Variants in SLC4A3 observed in about 807,000 individuals in gnomAD.
SLC4A3 encodes the protein anion exchange protein 3.
In SLC4A3, 47 loss-of-function variants were observed where a neutral mutation model predicts 114.2. That is an observed-to-expected ratio of 0.41 (90% confidence interval 0.33 to 0.52). SLC4A3 has a LOEUF of 0.52. SLC4A3 is among the 20% of genes least tolerant of loss of function. The probability of loss-of-function intolerance (pLI) is 0.21; values close to 1 mark genes in which losing one functional copy is unlikely to be tolerated. For missense variants in SLC4A3, 1,312 were observed against 1,668.3 expected, an observed-to-expected ratio of 0.79 and a Z score of 3.72; for synonymous variants, 693 against 710.3, an observed-to-expected ratio of 0.98 and a Z score of 0.39.
Position 219,640,955 on chromosome 2 carries a change from T to C in SLC4A3, c.3614T>C (p.Leu1205Pro), listed in dbSNP as rs1437784566. Residue 1205 changes from leucine to proline, a missense_variant, in exon 22 of 23, where the codon CTG (leucine) becomes CCG (proline). This residue lies in a region of SLC4A3 where 301 missense variants were observed against 460.7 expected (regional missense o/e 0.65). Transcript: ENST00000358055. ...LLPRLFQDRE[L>P]QALDSEDAEP... ...CCCCGGCTCTTCCAGGACAGGGAGCTGCAGGCGGTAAGGGGGTGGTGGTCT... is the reference window on the plus strand; with the variant it reads ...CCCCGGCTCTTCCAGGACAGGGAGCCGCAGGCGGTAAGGGGGTGGTGGTCT... 1 of 1,605,544 alleles carries C rather than the reference T, an allele frequency of 6.2e-7. No homozygotes were observed. The highest frequency in any genetic ancestry group is 8.5e-7 in the Non-Finnish European group (1 of 1,179,934).
chr2:219,639,288 T>C lies in SLC4A3; in HGVS notation c.3024-194T>C, dbSNP rs1487662138. 6.6e-6 allele frequency among the ~76,000 whole-genome samples: 1 copy of C among 152,130 alleles called. No individual in the cohort carries two copies. The highest frequency in any genetic ancestry group is 1.9e-4 in the East Asian group (1 of 5,198). On this transcript the variant is annotated intron_variant, in intron 19 of 22. Coordinates refer to ENST00000358055, the MANE Select transcript of SLC4A3 (RefSeq NM_005070.4). This position sits in a 1 kb window ranked among gnomAD's most constrained non-coding sequence, Gnocchi z 5.9. ...TTTGTGGTGTTTTAAATATTCACAG[T>C]ATGAGAATTTGTCTCACATTTGCTT...
In SLC4A3 at chr2:219,641,725, G is replaced by A. The variant is rs1014152861; in HGVS notation, c.3696G>A (p.Val1232=). 1.2e-6 allele frequency: 2 copies of A among 1,613,674 alleles called. No homozygotes were observed. ...AGTACAATGAGCTGCACATGCCAGT[G>A]TGACCCTTGAAGACAGTGCCCCTCA... The part of the protein sequence containing the change: ...QDEYNELHMP[V] The change falls in exon 23 of 23, where the codon GTG becomes GTA. Residue 1232 remains valine (V), a synonymous_variant. Transcript: ENST00000358055. The surrounding 1 kb of genome is among the most constrained non-coding windows in gnomAD (Gnocchi z 4.0).
chr2:219,639,384 C>T lies in SLC4A3; in HGVS notation c.3024-98C>T, dbSNP rs1699237546. Reference sequence around the variant, plus strand: ...GTCCTAGGGAGAACTGTTGTCTGCACGTCCTCCCCCCACCATCTCGTCTCT... The same window carrying T: ...GTCCTAGGGAGAACTGTTGTCTGCATGTCCTCCCCCCACCATCTCGTCTCT... On this transcript the variant is annotated intron_variant, in intron 19 of 22. Transcript: ENST00000358055. This position sits in a 1 kb window ranked among gnomAD's most constrained non-coding sequence, Gnocchi z 5.9. 5.7e-6 allele frequency: 8 copies of T among 1,406,076 alleles called. No homozygotes were observed. The highest frequency in any genetic ancestry group is 1.8e-5 in the Admixed American group (1 of 55,718). The allele number at this position is 1,406,076 out of a possible 1,614,324, so 87.1% of individuals were successfully genotyped here. A position where few individuals can be genotyped will look rare whatever the true frequency, so the allele number is the denominator to read the frequency against.
At position 219,637,505 on chromosome 2, in the gene SLC4A3, C is replaced by T. The variant is rs540817726; in HGVS notation, c.2536-76C>T. ...GGTATTGAGGGGCCACCCTCTCTCTCACAGGTGTACTGATGACGATGAAGT... is the reference window on the plus strand; with the variant it reads ...GGTATTGAGGGGCCACCCTCTCTCTTACAGGTGTACTGATGACGATGAAGT... On this transcript the variant is annotated intron_variant, in intron 16 of 22. Transcript: ENST00000358055. The surrounding 1 kb of genome is among the most constrained non-coding windows in gnomAD (Gnocchi z 4.6). 1 of 789,620 alleles carries T rather than the reference C, an allele frequency of 1.3e-6. No homozygotes were observed. The highest frequency in any genetic ancestry group is 1.7e-5 in the African/African-American group (1 of 58,012). The allele number at this position is 789,620 out of a possible 1,614,324, so 48.9% of individuals were successfully genotyped here. A position where few individuals can be genotyped will look rare whatever the true frequency, so the allele number is the denominator to read the frequency against.
In SLC4A3 at chr2:219,636,083, G is replaced by A. The variant is rs538854887; in HGVS notation, c.2191+192G>A. On this transcript the variant is annotated intron_variant, in intron 14 of 22. Transcript: ENST00000358055. The surrounding 1 kb of genome is among the most constrained non-coding windows in gnomAD (Gnocchi z 5.5). ...GCGATCACCTTTGGGGAGCTATAAA[G>A]TGAGGGTGTGGGAGAGGTGTAAGGG... 6.6e-5 allele frequency among the ~76,000 whole-genome samples: 10 copies of A among 152,288 alleles called. No homozygotes were observed. The highest frequency in any genetic ancestry group is 2.6e-4 in the Admixed American group (4 of 15,306).
At position 219,635,759 on chromosome 2, in the gene SLC4A3, C is replaced by A. The variant is rs779074122; in HGVS notation, c.2059C>A (p.Arg687=). 3 of 1,594,488 alleles carry A rather than the reference C, an allele frequency of 1.9e-6. No homozygotes were observed. The highest frequency in any genetic ancestry group is 2.2e-5 in the East Asian group (1 of 44,602). ...GGGCTCGGTATTTGGGGGGCTTGTG[C>A]GGGATGTGAGGCGCCGGTACCCGCA... is the stretch of plus-strand genomic sequence containing the variant. The part of the protein sequence containing the change: ...RTGSVFGGLV[R]DVRRRYPHYP... The change falls in exon 14 of 23, where the codon CGG becomes AGG. Residue 687 remains arginine, a synonymous_variant. Transcript: ENST00000358055.
At chr2:219,634,649 C>A in intron 12 of SLC4A3, 45 bp downstream of exon 12, 1 of 1,586,684 alleles carries the variant, frequency 6.3e-7, no homozygotes, top group Non-Finnish European at 8.6e-7. Flanking sequence ...CTAGGCCCTG[C>A]TTACCCCTGT....
Position 219,639,099 on chromosome 2 carries a change from C to T in SLC4A3, c.3023+230C>T, listed in dbSNP as rs1362479526. 6.6e-6 allele frequency among the ~76,000 whole-genome samples: 1 copy of T among 152,166 alleles called. No individual in the cohort carries two copies. The highest frequency in any genetic ancestry group is 2.1e-4 in the South Asian group (1 of 4,804). Reference sequence around the variant, plus strand: ...CATCCGGGGCAGGGGCATGGTTTCCCCGTGATGGTTTGACATGACATCTAT... The same window carrying T: ...CATCCGGGGCAGGGGCATGGTTTCCTCGTGATGGTTTGACATGACATCTAT... On this transcript the variant is annotated intron_variant, in intron 19 of 22. Transcript: ENST00000358055. The surrounding 1 kb of genome is among the most constrained non-coding windows in gnomAD (Gnocchi z 5.9).
In SLC4A3 at chr2:219,640,977, G is replaced by T; in HGVS notation, c.3621+15G>T. The T allele has an allele frequency of 6.2e-7, 1 of 1,601,514 alleles. No homozygotes were observed. Reference sequence around the variant, plus strand: ...AGCTGCAGGCGGTAAGGGGGTGGTGGTCTGGGGAAACAGTGTTAGGGCAAA... The same window carrying T: ...AGCTGCAGGCGGTAAGGGGGTGGTGTTCTGGGGAAACAGTGTTAGGGCAAA... On this transcript the variant is annotated intron_variant, in intron 22 of 22. Transcript: ENST00000358055.
At position 219,635,514 on chromosome 2, in the gene SLC4A3, T is replaced by C; in HGVS notation, c.1972+18T>C. 6.3e-7 allele frequency: 1 copy of C among 1,578,920 alleles called. No homozygotes were observed. The highest frequency in any genetic ancestry group is 1.1e-5 in the South Asian group (1 of 87,858). ...TGGGAAAGGTCAGACCCTTGGAGGCTGAGTGCCCCCAATACACACTCCCCC... is the reference window on the plus strand; with the variant it reads ...TGGGAAAGGTCAGACCCTTGGAGGCCGAGTGCCCCCAATACACACTCCCCC... On this transcript the variant is annotated intron_variant, in intron 13 of 22. Coordinates refer to ENST00000358055, the MANE Select transcript of SLC4A3 (RefSeq NM_005070.4).
rs1279709021 is a variant in SLC4A3, at chr2:219,627,951, G to C, written c.-42G>C. 2.7e-5 allele frequency: 42 copies of C among 1,582,906 alleles called. No individual in the cohort carries two copies. Among genetic ancestry groups the C allele is most frequent in the Non-Finnish European group, 3.4e-5 (39 of 1,160,488 alleles). On this transcript the variant is annotated 5_prime_UTR_variant, in exon 2 of 23. Coordinates refer to ENST00000358055, the MANE Select transcript of SLC4A3 (RefSeq NM_005070.4). ...CCCCTCCTTCTCACCTGGGTCTCGG[G>C]TCCCCTAGTGAGCGAGAGCGTCCCC...
rs1010072929 is a variant in SLC4A3, at chr2:219,630,779, G to T, written c.811+427G>T. Among the ~76,000 whole-genome samples the T allele has an allele frequency of 1.3e-5, 2 of 151,568 alleles. No homozygotes were observed. Among genetic ancestry groups the T allele is most frequent in the African/African-American group, 2.4e-5 (1 of 41,242 alleles). On this transcript the variant is annotated intron_variant, in intron 6 of 22. Coordinates refer to ENST00000358055, the MANE Select transcript of SLC4A3 (RefSeq NM_005070.4). The surrounding 1 kb of genome is among the most constrained non-coding windows in gnomAD (Gnocchi z 6.9). ...CCTTCACTCCCATCCCACTACCCTT[G>T]GGGGGGGCCTGGCTGTGATCTCGGC... is the stretch of plus-strand genomic sequence containing the variant.
intron 21 of SLC4A3, 53 bp from the exon 22 acceptor site, chr2:219,640,736 G>A: frequency 1.9e-6 from 3 of 1,586,460 alleles, no homozygotes; most frequent in Non-Finnish European, 2.6e-6. Context: ...GATGTGGGTG[G>A]GTGGGAGCAG....
Position 219,638,764 on chromosome 2 carries a change from C to G in SLC4A3, c.2918C>G (p.Pro973Arg). 1 of 1,614,146 alleles carries G rather than the reference C, an allele frequency of 6.2e-7. No individual in the cohort carries two copies. Among genetic ancestry groups the G allele is most frequent in the South Asian group, 1.1e-5 (1 of 91,086 alleles). The change falls in exon 19 of 23, where the codon CCA becomes CGA. Residue 973 changes from proline to arginine, a missense_variant. Pro to Arg is a moderately radical substitution (Grantham distance 103). Coordinates refer to ENST00000358055, the MANE Select transcript of SLC4A3 (RefSeq NM_005070.4). This position sits in a 1 kb window ranked among gnomAD's most constrained non-coding sequence, Gnocchi z 7.5. ...CCCGATAAGCGCTCGTGGTTCATCCCACCCCTGGGCAGTGCCCGTCCTTTC... is the reference window on the plus strand; with the variant it reads ...CCCGATAAGCGCTCGTGGTTCATCCGACCCCTGGGCAGTGCCCGTCCTTTC... ...TSPDKRSWFIPPLGSARPFPP... is the reference protein window; with the variant it reads ...TSPDKRSWFIRPLGSARPFPP...
At position 219,631,007 on chromosome 2, in the gene SLC4A3, C is replaced by A; in HGVS notation, c.811+655C>A. 1.7e-6 allele frequency: 1 copy of A among 603,498 alleles called. No individual in the cohort carries two copies. Among genetic ancestry groups the A allele is most frequent in the Non-Finnish European group, 2.2e-6 (1 of 453,108 alleles). The allele number at this position is 603,498 out of a possible 1,614,324, so 37.4% of individuals were successfully genotyped here. On this transcript the variant is annotated intron_variant, in intron 6 of 22. Transcript: ENST00000358055. This position sits in a 1 kb window ranked among gnomAD's most constrained non-coding sequence, Gnocchi z 6.3. ...GCCTGAGGACAGGGACAGGAACAAT[C>A]CGATGGCAGCAGTAGCAGCAGGATG... is the stretch of plus-strand genomic sequence containing the variant.
intron 9 of SLC4A3, 46 bp downstream of exon 9, chr2:219,633,055 C>T (rs1282787991): frequency 6.2e-6 from 10 of 1,601,474 alleles, no homozygotes; most frequent in Non-Finnish European, 8.5e-6. Context: ...CTCAGCTGCC[C>T]TTCCAGGAGC....
At position 219,640,962 on chromosome 2, in the gene SLC4A3, G is replaced by A. The variant is rs1559207784; in HGVS notation, c.3621G>A (p.Ala1207=). Residue 1207 remains alanine, a splice_region_variant and synonymous_variant, in exon 22 of 23, where the codon GCG becomes GCA. Transcript: ENST00000358055. The stretch of plus-strand genomic sequence containing the variant: ...TCTTCCAGGACAGGGAGCTGCAGGC[G>A]GTAAGGGGGTGGTGGTCTGGGGAAA... ...PRLFQDRELQ[A]LDSEDAEPNF... 5.0e-6 allele frequency: 8 copies of A among 1,604,170 alleles called. No homozygotes were observed. Among genetic ancestry groups the A allele is most frequent in the African/African-American group, 2.7e-5 (2 of 74,912 alleles).
rs1022281114 is a variant in SLC4A3, at chr2:219,628,053, G to T, written c.51+10G>T. On this transcript the variant is annotated intron_variant, in intron 2 of 22. Coordinates refer to ENST00000358055, the MANE Select transcript of SLC4A3 (RefSeq NM_005070.4). The surrounding 1 kb of genome is among the most constrained non-coding windows in gnomAD (Gnocchi z 4.8). ...CTCCCCCCTACCCCAGGTGATCGGC[G>T]CGCGCGGGGGCGGGGGAGAGATGGG... The T allele has an allele frequency of 1.3e-6, 2 of 1,553,044 alleles. No homozygotes were observed. Among genetic ancestry groups the T allele is most frequent in the South Asian group, 1.2e-5 (1 of 84,300 alleles).
In SLC4A3 at chr2:219,631,247, C is replaced by A. The variant is rs1236498793; in HGVS notation, c.812-721C>A. On this transcript the variant is annotated intron_variant, in intron 6 of 22. Coordinates refer to ENST00000358055, the MANE Select transcript of SLC4A3 (RefSeq NM_005070.4). The surrounding 1 kb of genome is among the most constrained non-coding windows in gnomAD (Gnocchi z 6.3). ...TCTCGGCCACCGGGAGAATGACGAGCCCACTGGAGAAGGACCCTGAGCCCA... is the reference window on the plus strand; with the variant it reads ...TCTCGGCCACCGGGAGAATGACGAGACCACTGGAGAAGGACCCTGAGCCCA... The A allele has an allele frequency of 3.2e-6, 4 of 1,265,074 alleles. No individual in the cohort carries two copies. In the Admixed American group the frequency reaches 7.5e-5, roughly 24 times the overall value. 78.4% of individuals were successfully genotyped at this position (1,265,074 alleles called of 1,614,324 possible).
Sources: gnomAD v4.1 joint callset for allele counts (sites outside exome capture counted in the v4.1 genomes callset) on GRCh38, gnomAD v4.1.1 for gene constraint, gnomAD v4.1.1 regional missense constraint, Gnocchi (gnomAD v3.1) non-coding constraint, MANE v1.5 for transcripts, NCBI Gene and HGNC (gene_info 2026-07-23, HGNC 2026-07-21) for gene names.